Variants in SMARCAD1 observed in about 807,000 individuals in gnomAD.
SMARCAD1 encodes the protein SNF2 related chromatin remodeling ATPase with DExD box 1, also known as SWI/SNF-related matrix-associated actin-dependent regulator of chromatin subfamily A containing DEAD/H box 1.
SMARCAD1 carries 25 observed loss-of-function variants against 127.1 expected under a neutral mutation model. That is an observed-to-expected ratio of 0.20 (90% CI 0.14 to 0.27). SMARCAD1 has a LOEUF of 0.27. SMARCAD1 is among the 10% of genes least tolerant of loss of function. SMARCAD1 has a pLI of 1.00. For missense variants in SMARCAD1, 807 were observed against 1,206.0 expected, an observed-to-expected ratio of 0.67 and a Z score of 4.90; for synonymous variants, 400 against 396.9, an observed-to-expected ratio of 1.01 and a Z score of -0.09.
At position 94,290,045 on chromosome 4, in the gene SMARCAD1, A is replaced by G; in HGVS notation, c.*511A>G. The G allele has an allele frequency of 4.4e-6, 2 of 454,498 alleles. No homozygotes were observed. Among genetic ancestry groups the G allele is most frequent in the Non-Finnish European group, 8.8e-6 (2 of 226,768 alleles). The allele number at this position is 454,498 out of a possible 1,614,324, so 28.2% of individuals were successfully genotyped here. Reference sequence around the variant, plus strand: ...TTCATTTTATTGCTATTTGAAGCAGATGTTCACCAATGTCAGCAAGAACTC... The same window carrying G: ...TTCATTTTATTGCTATTTGAAGCAGGTGTTCACCAATGTCAGCAAGAACTC... On this transcript the variant is annotated 3_prime_UTR_variant, in exon 24 of 24. Transcript: ENST00000354268.
intron 6 of SMARCAD1, among the ~76,000 whole-genome samples, chr4:94,246,571 T>G (rs1197934627): frequency 6.6e-6 from 1 of 152,116 alleles, no homozygotes; most frequent in East Asian, 1.9e-4. Context: ...AGAGTGGAGT[T>G]TGCAACATGC....
chr4:94,214,468 C>T (rs1003772934), intron 2 of SMARCAD1, among the ~76,000 whole-genome samples: 16 of 151,732 alleles, frequency 1.1e-4, no homozygotes, highest in Admixed American at 8.6e-4. Context: ...CCGGTTTCAC[C>T]GTATTAGCCA....
At chr4:94,226,408 T>TTC in intron 3 of SMARCAD1, 112 bp downstream of exon 3, 1 of 848,600 alleles carries the variant, frequency 1.2e-6, no homozygotes, top group Admixed American at 2.5e-5. Flanking sequence ...TTTTCTTTTT[T>TTC]TTTTTTGCCC....
intron 6 of SMARCAD1, among the ~76,000 whole-genome samples, chr4:94,247,418 G>T (rs1182824990): frequency 2.6e-5 from 4 of 152,160 alleles, no homozygotes; most frequent in Admixed American, 2.0e-4. Context: ...GCTGGCATAA[G>T]TGTGGGACCC....
At position 94,252,669 on chromosome 4, in the gene SMARCAD1, A is replaced by T; in HGVS notation, c.943A>T (p.Arg315Ter). Residue 315 changes from arginine to a stop codon, truncating the protein, a stop_gained, in exon 9 of 24, where the codon AGA becomes TGA. Coordinates refer to ENST00000354268, the MANE Select transcript of SMARCAD1 (RefSeq NM_020159.5). LOFTEE classifies it high-confidence loss of function. ...EVPNGKEVSS[R>*]SQNYPKNATK... The stretch of plus-strand genomic sequence containing the variant: ...TCCAAATGGAAAAGAAGTTTCTTCA[A>T]GAAGTCAAAATTACCCTAAAAATGC... 1 of 1,578,904 alleles carries T rather than the reference A, an allele frequency of 6.3e-7. No homozygotes were observed. The highest frequency in any genetic ancestry group is 8.6e-7 in the Non-Finnish European group (1 of 1,165,806).
At position 94,276,319 on chromosome 4, in the gene SMARCAD1, GT is replaced by G; in HGVS notation, c.1809-14del. On this transcript the variant is annotated intron_variant, in intron 14 of 23. Transcript: ENST00000354268. ...CTCTTAAAGGTATAACCTTAGAGAT[GT>G]TTTTTCTTTTGGTGACAGATATAAC... The G allele has an allele frequency of 6.2e-7, 1 of 1,613,808 alleles. No individual in the cohort carries two copies. The highest frequency in any genetic ancestry group is 8.5e-7 in the Non-Finnish European group (1 of 1,179,868).
At chr4:94,226,507 ATTTTTTTTT>A (rs60198579) in intron 3 of SMARCAD1, among the ~76,000 whole-genome samples, 1 of 112,990 alleles carries the variant, frequency 8.9e-6, no homozygotes, top group African/African-American at 3.5e-5. Flanking sequence ...GATAACAGTG[ATTTTTTTTT>A]TTTTTTTTTT....
chr4:94,253,200 A>G, intron 9 of SMARCAD1, 193 bp downstream of exon 9: 2 of 1,498,728 alleles, frequency 1.3e-6, no homozygotes, highest in Non-Finnish European at 1.8e-6. Flanking sequence ...GAATGAATTA[A>G]GGGGTGATTT....
chr4:94,276,680 T>C (rs531215268), intron 15 of SMARCAD1, among the ~76,000 whole-genome samples: 1 of 152,320 alleles, frequency 6.6e-6, no homozygotes, highest in Admixed American at 6.5e-5. Context: ...TTCTTTGATT[T>C]TGTTTTTTAA....
At chr4:94,277,792 T>C (rs1753509967) in intron 16 of SMARCAD1, among the ~76,000 whole-genome samples, 1 of 152,214 alleles carries the variant, frequency 6.6e-6, no homozygotes, top group Non-Finnish European at 1.5e-5. Context: ...CACTGCAAAT[T>C]AACTGCCTTT....
At chr4:94,253,166 A>G in intron 9 of SMARCAD1, 159 bp downstream of exon 9, 4 of 1,519,020 alleles carry the variant, frequency 2.6e-6, no homozygotes, top group African/African-American at 1.4e-5. Flanking sequence ...TAGTATTTCA[A>G]ATAGTGTCAT....
At chr4:94,225,228 CA>C (rs1744808717) in intron 2 of SMARCAD1, among the ~76,000 whole-genome samples, 1 of 152,162 alleles carries the variant, frequency 6.6e-6, no homozygotes, top group Admixed American at 6.5e-5. Flanking sequence ...TTATTTTTCA[CA>C]ATTGTGTAGC....
At chr4:94,232,972 C>G (rs1347316411) in intron 3 of SMARCAD1, among the ~76,000 whole-genome samples, 1 of 151,980 alleles carries the variant, frequency 6.6e-6, no homozygotes, top group African/African-American at 2.4e-5. Flanking sequence ...AGAGTGGAAC[C>G]CCGTCTCAAA....
chr4:94,289,167 A>T (rs1489832311), intron 23 of SMARCAD1, among the ~76,000 whole-genome samples: 1 of 152,136 alleles, frequency 6.6e-6, no homozygotes, highest in Admixed American at 6.5e-5. Flanking sequence ...TTATTTAGCA[A>T]ATGTGAGAAG....
chr4:94,285,157 A>C (rs1362512845), intron 23 of SMARCAD1, 88 bp downstream of exon 23: 1 of 848,688 alleles, frequency 1.2e-6, no homozygotes, highest in Non-Finnish European at 2.0e-6. Flanking sequence ...AAAGATGGCT[A>C]CCTTAACTAG....
chr4:94,265,352 A>G (rs1579274332), intron 10 of SMARCAD1, among the ~76,000 whole-genome samples: 1 of 151,258 alleles, frequency 6.6e-6, no homozygotes. Flanking sequence ...TACTGTGATG[A>G]AATGTTTTAA....
chr4:94,252,813 G>T lies in SMARCAD1; in HGVS notation c.1087G>T (p.Gly363Cys). 1 of 1,614,078 alleles carries T rather than the reference G, an allele frequency of 6.2e-7. No homozygotes were observed. The highest frequency in any genetic ancestry group is 8.5e-7 in the Non-Finnish European group (1 of 1,179,990). The change falls in exon 9 of 24, where the codon GGT becomes TGT. Residue 363 changes from glycine (G) to cysteine (C), a missense_variant. Gly to Cys is a radical substitution (Grantham distance 159). Transcript: ENST00000354268. ...TGTTGAAGACTCTGAATATGATTCA[G>T]GTTCTGATGTCGGTAGTTCACTAGA... The part of the protein sequence containing the change: ...RVVEDSEYDS[G>C]SDVGSSLDED...
intron 3 of SMARCAD1, among the ~76,000 whole-genome samples, chr4:94,231,831 GTCTTTTCT>G (rs1327267932): frequency 2.4e-4 from 36 of 151,792 alleles, no homozygotes; most frequent in Middle Eastern, 3.4e-3. Flanking sequence ...AAGAGATCAA[GTCTTTTCT>G]CAGAAAAAAC....
chr4:94,222,714 A>T (rs7660243), intron 2 of SMARCAD1, among the ~76,000 whole-genome samples: 21,956 of 152,150 alleles, frequency 0.14, 1,810 homozygotes, highest in Non-Finnish European at 0.19. Flanking sequence ...TGTAATCCCA[A>T]CATTTCAGGA....
Sources: allele counts gnomAD v4.1 joint callset (sites outside exome capture counted in the v4.1 genomes callset), GRCh38; gene constraint gnomAD v4.1.1; transcripts MANE v1.5; gene names NCBI Gene and HGNC (gene_info 2026-07-23, HGNC 2026-07-21).